The following TMEM51 variants were observed in gnomAD, a reference collection of about 807,000 sequenced individuals.
The protein encoded by TMEM51 is chromosome 1 open reading frame 72.
Under a neutral mutation model 13.6 loss-of-function variants are expected in TMEM51, and 8 were observed. The observed-to-expected ratio is 0.59, with a 90% CI of 0.35 to 1.07. TMEM51 has a LOEUF of 1.07. Among genes scored for constraint, TMEM51 ranks in the 50% least tolerant of loss-of-function variants. The pLI is 0.02. For synonymous variants in TMEM51, 147 were observed against 144.4 expected, an observed-to-expected ratio of 1.02 and a Z score of -0.13; for missense variants, 279 against 330.7, an observed-to-expected ratio of 0.84 and a Z score of 1.21.
intron 1 of TMEM51, among the ~76,000 whole-genome samples, chr1:15,158,461 T>C (rs1281755928): frequency 2.6e-5 from 4 of 152,156 alleles, no homozygotes; most frequent in African/African-American, 9.7e-5. Flanking sequence ...GCTGTGTTTG[T>C]TTTAACCCAT....
At chr1:15,154,819 A>G (rs1217879586) in intron 1 of TMEM51, among the ~76,000 whole-genome samples, 1 of 146,406 alleles carries the variant, frequency 6.8e-6, no homozygotes, top group Admixed American at 6.8e-5. Flanking sequence ...GTGACGGTGC[A>G]TGGGACTGCG....
At chr1:15,213,730 T>C (rs903013042) in intron 2 of TMEM51, among the ~76,000 whole-genome samples, 8 of 152,164 alleles carry the variant, frequency 5.3e-5, no homozygotes, top group Admixed American at 4.6e-4. Context: ...AGAGGAAGAA[T>C]GTGCAGGCCT....
At chr1:15,203,307 G>A (rs1644190762) in intron 1 of TMEM51, among the ~76,000 whole-genome samples, 2 of 152,160 alleles carry the variant, frequency 1.3e-5, no homozygotes, top group Admixed American at 6.5e-5. Flanking sequence ...AGGCTGGAGT[G>A]CAGTGGCGTG....
At chr1:15,153,160 C>G (rs1026008027), upstream of TMEM51, among the ~76,000 whole-genome samples, 5 of 152,174 alleles carry the variant, frequency 3.3e-5, no homozygotes, top group African/African-American at 1.2e-4. Context: ...CTACTTGTGC[C>G]GGTCACTCAC....
intron 1 of TMEM51, among the ~76,000 whole-genome samples, chr1:15,160,287 C>A (rs764482623): frequency 4.0e-5 from 6 of 151,806 alleles, no homozygotes; most frequent in Admixed American, 6.6e-5. Context: ...TTATTTATTT[C>A]TTTTGAGACA....
intron 1 of TMEM51, among the ~76,000 whole-genome samples, chr1:15,155,426 A>T (rs1642557709): frequency 6.6e-6 from 1 of 152,226 alleles, no homozygotes; most frequent in South Asian, 2.1e-4. Flanking sequence ...AAATGGGATG[A>T]TGATCTCCAA....
intron 1 of TMEM51, among the ~76,000 whole-genome samples, chr1:15,210,104 G>A (rs1644315776): frequency 6.6e-6 from 1 of 152,266 alleles, no homozygotes; most frequent in Admixed American, 6.5e-5. Context: ...GCCGATTTTT[G>A]TTTAGGCTGG....
At chr1:15,213,743 G>A (rs1317687891) in intron 2 of TMEM51, among the ~76,000 whole-genome samples, 1 of 152,214 alleles carries the variant, frequency 6.6e-6, no homozygotes, top group Non-Finnish European at 1.5e-5. Flanking sequence ...GCAGGCCTGT[G>A]TCCCTTTTAA....
intron 1 of TMEM51, among the ~76,000 whole-genome samples, chr1:15,200,425 A>AAC (rs1335312205): frequency 3.3e-5 from 5 of 149,718 alleles, no homozygotes; most frequent in Non-Finnish European, 5.9e-5. Flanking sequence ...AAAAAAAAAA[A>AAC]AAAAAAAGAG....
At chr1:15,192,579 G>A (rs187204169) in intron 1 of TMEM51, 3 of 185,544 alleles carry the variant, frequency 1.6e-5, no homozygotes, top group Admixed American at 1.2e-4. Context: ...TCAGCCTCCC[G>A]AGTAGCTGGA....
intron 1 of TMEM51, among the ~76,000 whole-genome samples, chr1:15,200,545 A>G (rs980777803): frequency 6.6e-5 from 10 of 151,982 alleles, no homozygotes; most frequent in Non-Finnish European, 1.2e-4. Context: ...AACCTTGCTC[A>G]GAAGGAACCA....
At chr1:15,173,730 TC>T (rs1359724648) in intron 1 of TMEM51, among the ~76,000 whole-genome samples, 1 of 151,984 alleles carries the variant, frequency 6.6e-6, no homozygotes, top group Non-Finnish European at 1.5e-5. Flanking sequence ...CCTTTCAACT[TC>T]TAGTTCTGTT....
At chr1:15,156,730 T>A (rs1353241908) in intron 1 of TMEM51, among the ~76,000 whole-genome samples, 1 of 152,168 alleles carries the variant, frequency 6.6e-6, no homozygotes, top group African/African-American at 2.4e-5. Context: ...ATCATTCTCA[T>A]TTGACAAACA....
chr1:15,171,678 C>A (rs891555192), intron 1 of TMEM51, among the ~76,000 whole-genome samples: 2 of 152,210 alleles, frequency 1.3e-5, no homozygotes, highest in East Asian at 3.9e-4. Context: ...CAGCTTTCCA[C>A]AGATTCCTCT....
chr1:15,201,682 G>A (rs1162663221), intron 1 of TMEM51, among the ~76,000 whole-genome samples: 1 of 152,190 alleles, frequency 6.6e-6, no homozygotes, highest in African/African-American at 2.4e-5. Context: ...AAGTGGAGAT[G>A]AGGGAACGGG....
intron 1 of TMEM51, among the ~76,000 whole-genome samples, chr1:15,177,746 T>G (rs766620214): frequency 6.6e-6 from 1 of 152,176 alleles, no homozygotes; most frequent in African/African-American, 2.4e-5. Context: ...ATGAAGCAAC[T>G]GTAAGAACAC....
intron 3 of TMEM51, among the ~76,000 whole-genome samples, chr1:15,218,631 T>C (rs1019849982): frequency 1.3e-5 from 2 of 152,042 alleles, no homozygotes; most frequent in East Asian, 1.9e-4. Context: ...CCAGATGAGA[T>C]AAGGTTTAAA....
intron 1 of TMEM51, among the ~76,000 whole-genome samples, chr1:15,202,736 ATG>A (rs1310551768): frequency 1.3e-5 from 2 of 152,198 alleles, no homozygotes; most frequent in East Asian, 3.9e-4. Context: ...TAACTTAATC[ATG>A]TCCAAAAAGG....
At chr1:15,215,485 T>TGCAC in intron 3 of TMEM51, 54 bp downstream of exon 3, 1 of 1,452,140 alleles carries the variant, frequency 6.9e-7, no homozygotes, top group Non-Finnish European at 9.2e-7. Context: ...CACGCACGCA[T>TGCAC]GCACACACAT....
Sources: gnomAD v4.1 joint callset for allele counts (sites outside exome capture counted in the v4.1 genomes callset) on GRCh38, gnomAD v4.1.1 for gene constraint, MANE v1.5 for transcripts, NCBI Gene and HGNC (gene_info 2026-07-23, HGNC 2026-07-21) for gene names.